Variants in H2AZ1 observed in about 807,000 individuals in gnomAD.
H2AZ1 encodes the protein H2A.Z variant histone 1.
In H2AZ1, 3 loss-of-function variants were observed where a neutral mutation model predicts 16.6. That is an observed-to-expected ratio of 0.18 (90% CI 0.08 to 0.47). The LOEUF is 0.47. Among genes scored for constraint, H2AZ1 ranks in the 20% least tolerant of loss-of-function variants. H2AZ1 has a pLI of 0.98. For missense variants in H2AZ1, 27 were observed against 163.6 expected, an observed-to-expected ratio of 0.17 and a Z score of 4.55; for synonymous variants, 78 against 60.7, an observed-to-expected ratio of 1.28 and a Z score of -1.32.
In H2AZ1 at chr4:99,948,978, C is replaced by T. The variant is rs958191201; in HGVS notation, c.196-38G>A. The stretch of plus-strand genomic sequence containing the variant: ...ATCTGTCAGTTGCCTTCCAACTTTC[C>T]TTTGGCCAAGATTCAGAGAACAGAA... On this transcript the variant is annotated intron_variant, in intron 3 of 4. Coordinates refer to ENST00000296417, the MANE Select transcript of H2AZ1 (RefSeq NM_002106.4). The T allele has an allele frequency of 3.2e-6, 4 of 1,241,932 alleles. No individual in the cohort carries two copies. The African/African-American group carries it at 5.9e-5, about 18-fold the overall frequency. 76.9% of individuals were successfully genotyped at this position (1,241,932 alleles called of 1,614,324 possible).
At chr4:99,949,151 TTC>T (rs527891782) in intron 3 of H2AZ1, 120 bp downstream of exon 3, 129 of 669,774 alleles carry the variant, frequency 1.9e-4, no homozygotes, top group Admixed American at 2.2e-4. Flanking sequence ...CCCTCTAGCG[TTC>T]TCTTAGGCCT....
Position 99,948,494 on chromosome 4 carries a change from T to A in H2AZ1, c.355A>T (p.Ile119Phe). The change falls in exon 5 of 5, where the codon ATT becomes TTT. Residue 119 changes from isoleucine (I) to phenylalanine (F), a missense_variant. Ile to Phe is a conservative substitution (Grantham distance 21). Around this residue, in one of 3 missense-constraint regions of H2AZ1, gnomAD observed 14 missense variants for 110.3 expected, o/e 0.13. Coordinates refer to ENST00000296417, the MANE Select transcript of H2AZ1 (RefSeq NM_002106.4). ...GTCTTCTGTTGTCCTTTCTTCCCAA[T>A]CAGAGATTTGTGGATGTGTGGAATG... is the stretch of plus-strand genomic sequence containing the variant. ...GVIPHIHKSLIGKKGQQKTV is the reference protein window; with the variant it reads ...GVIPHIHKSLFGKKGQQKTV The A allele has an allele frequency of 6.2e-7, 1 of 1,604,574 alleles. No individual in the cohort carries two copies. The highest frequency in any genetic ancestry group is 8.5e-7 in the Non-Finnish European group (1 of 1,171,750).
chr4:99,948,348 T>C lies in H2AZ1; in HGVS notation c.*114A>G, dbSNP rs1392634146. On this transcript the variant is annotated 3_prime_UTR_variant, in exon 5 of 5. Transcript: ENST00000296417. ...AAACTTCCAACTTGCTCAAATAGAA[T>C]TACAAAAAGGCAAAATTGTGTTTTT... 1 of 781,642 alleles carries C rather than the reference T, an allele frequency of 1.3e-6. No individual in the cohort carries two copies. Among genetic ancestry groups the C allele is most frequent in the African/African-American group, 1.7e-5 (1 of 58,384 alleles). 48.4% of individuals were successfully genotyped at this position (781,642 alleles called of 1,614,324 possible). A position where few individuals can be genotyped will look rare whatever the true frequency, so the allele number is the denominator to read the frequency against.
intron 1 of H2AZ1, 185 bp downstream of exon 1, chr4:99,949,983 C>A: frequency 2.6e-6 from 1 of 383,042 alleles, no homozygotes; most frequent in Admixed American, 4.5e-5. Context: ...ACCCAACCGT[C>A]GCCGCCCGCC....
chr4:99,949,547 T>A, intron 2 of H2AZ1, 116 bp downstream of exon 2: 2 of 1,093,840 alleles, frequency 1.8e-6, no homozygotes, highest in South Asian at 2.5e-5. Context: ...GCAGCCCAAG[T>A]CGCGACACCG....
intron 3 of H2AZ1, 130 bp from the exon 4 acceptor site, chr4:99,949,070 C>T (rs1727207137): frequency 2.8e-6 from 2 of 719,392 alleles, no homozygotes; most frequent in Non-Finnish European, 5.0e-6. Flanking sequence ...GCAAGATATA[C>T]AGGGGGCACG....
rs770867852 is a variant in H2AZ1 at position 99,949,744 on chromosome 4, C to T, written c.4-4G>A. On this transcript the variant is annotated splice_polypyrimidine_tract_variant and splice_region_variant and intron_variant, in intron 1 of 4. Transcript: ENST00000296417. ...CCTTTCCAGCCTTACCGCCAGCCTGCGGCGCGCACACGCCCGCGAGCGGAG... is the reference window on the plus strand; with the variant it reads ...CCTTTCCAGCCTTACCGCCAGCCTGTGGCGCGCACACGCCCGCGAGCGGAG... The T allele has an allele frequency of 1.9e-6, 3 of 1,605,684 alleles. No individual in the cohort carries two copies. The highest frequency in any genetic ancestry group is 2.6e-6 in the Non-Finnish European group (3 of 1,175,424).
chr4:99,948,770 T>A, intron 4 of H2AZ1, 41 bp downstream of exon 4: 1 of 1,570,030 alleles, frequency 6.4e-7, no homozygotes. Context: ...AAAAATTCCT[T>A]CCTCTGAAGA....
At chr4:99,949,466 AG>A (rs780110263) in intron 2 of H2AZ1, 80 bp from the exon 3 acceptor site, 2 of 1,072,422 alleles carry the variant, frequency 1.9e-6, no homozygotes, top group South Asian at 2.5e-5. Context: ...CGCCAAAGCA[AG>A]GGGCACGGGC....
In H2AZ1 at chr4:99,948,729, C is replaced by T. The variant is rs1727199845; in HGVS notation, c.325+82G>A. 5 of 1,520,944 alleles carry T rather than the reference C, an allele frequency of 3.3e-6. No homozygotes were observed. The South Asian group carries it at 3.9e-5, about 12-fold the overall frequency. 94.2% of individuals were successfully genotyped at this position (1,520,944 alleles called of 1,614,324 possible). A position where few individuals can be genotyped will look rare whatever the true frequency, so the allele number is the denominator to read the frequency against. On this transcript the variant is annotated intron_variant, in intron 4 of 4. Coordinates refer to ENST00000296417, the MANE Select transcript of H2AZ1 (RefSeq NM_002106.4). The stretch of plus-strand genomic sequence containing the variant: ...CATCATTGAAAATATACTTAAATTT[C>T]CTCTCCTGGAAAAACTAATTAAAAG...
At chr4:99,950,136 G>A (rs761236197) in intron 1 of H2AZ1, 32 bp downstream of exon 1, 4 of 1,606,310 alleles carry the variant, frequency 2.5e-6, no homozygotes, top group Middle Eastern at 1.7e-4. Context: ...GCAAAAACCC[G>A]CGGAGTCATC....
At chr4:99,949,146 T>A in intron 3 of H2AZ1, 127 bp downstream of exon 3, 1 of 665,972 alleles carries the variant, frequency 1.5e-6, no homozygotes, top group South Asian at 1.8e-5. Context: ...CAGCTCCCTC[T>A]AGCGTTCTCT....
At chr4:99,949,946 C>T (rs1727239795) in intron 1 of H2AZ1, 1 of 214,336 alleles carries the variant, frequency 4.7e-6, no homozygotes, top group Non-Finnish European at 8.1e-6. Context: ...CCTCCGCCCG[C>T]CGGCCCCCAG....
intron 2 of H2AZ1, 54 bp from the exon 3 acceptor site, chr4:99,949,440 G>A: frequency 8.1e-7 from 1 of 1,233,970 alleles, no homozygotes; most frequent in Non-Finnish European, 1.2e-6. Flanking sequence ...AACTAGAGAT[G>A]GGGAAATTAT....
At chr4:99,949,071 A>AG (rs939708556) in intron 3 of H2AZ1, 131 bp from the exon 4 acceptor site, 25 of 716,636 alleles carry the variant, frequency 3.5e-5, no homozygotes, top group African/African-American at 2.3e-4. Context: ...CAAGATATAC[A>AG]GGGGGCACGC....
At chr4:99,949,986 C>T in intron 1 of H2AZ1, 182 bp downstream of exon 1, 1 of 404,160 alleles carries the variant, frequency 2.5e-6, no homozygotes, top group Non-Finnish European at 4.1e-6. Context: ...CAACCGTCGC[C>T]GCCCGCCGCG....
Position 99,949,312 on chromosome 4 carries a change from A to C in H2AZ1, c.156T>G (p.Ala52=). The C allele has an allele frequency of 6.2e-7, 1 of 1,612,762 alleles. No individual in the cohort carries two copies. Among genetic ancestry groups the C allele is most frequent in the South Asian group, 1.1e-5 (1 of 91,058 alleles). ...TSHGRVGATA[A]VYSAAILEYL... ...ACTCCAGGATGGCTGCGCTGTACAC[A>C]GCGGCAGTCGCGCCCACACGTCCAT... Residue 52 remains alanine, a synonymous_variant, in exon 3 of 5, where the codon GCT becomes GCG. Transcript: ENST00000296417.
At position 99,949,610 on chromosome 4, in the gene H2AZ1, G is replaced by A. The variant is rs773108429; in HGVS notation, c.81+53C>T. On this transcript the variant is annotated intron_variant, in intron 2 of 4. Transcript: ENST00000296417. ...ATCGAGAGCGATGAATAACAAAAAA[G>A]GAAATGCAAAGAAAAACATCATGAC... The A allele has an allele frequency of 2.6e-5, 39 of 1,525,538 alleles. No individual in the cohort carries two copies. In the Admixed American group the frequency reaches 4.2e-4, roughly 16 times the overall value. 94.5% of individuals were successfully genotyped at this position (1,525,538 alleles called of 1,614,324 possible).
chr4:99,949,922 G>C (rs1184347331), intron 1 of H2AZ1, 182 bp from the exon 2 acceptor site: 1 of 197,164 alleles, frequency 5.1e-6, no homozygotes, highest in Non-Finnish European at 8.9e-6. Flanking sequence ...CCGCGCGCTC[G>C]CCACGGCCGC....
Sources: allele counts gnomAD v4.1 joint callset, GRCh38; gene constraint gnomAD v4.1.1; regional missense constraint gnomAD v4.1.1; transcripts MANE v1.5; gene names NCBI Gene and HGNC (gene_info 2026-07-23, HGNC 2026-07-21).